Variants in IL5RA observed in about 807,000 individuals in gnomAD.
IL5RA encodes the protein interleukin 5 receptor subunit alpha.
In IL5RA, 49 loss-of-function variants were observed where a neutral mutation model predicts 50.0. The ratio of observed to expected loss-of-function variants is 0.98; its 90% CI spans 0.78 to 1.24. The LOEUF (loss-of-function observed/expected upper bound fraction) is 1.24, where lower values mean the gene tolerates loss of function less well. IL5RA is among the 50% of genes most tolerant of loss of function. IL5RA has a pLI of 0.00. For missense variants in IL5RA, 600 were observed against 500.4 expected (o/e 1.20, Z -1.90); for synonymous variants, 202 against 174.0 (o/e 1.16, Z -1.26).
At position 3,096,195 on chromosome 3, in the gene IL5RA, G is replaced by A. The variant is rs111501182; in HGVS notation, c.710-751C>T. Reference sequence around the variant, plus strand: ...CAGGAGGCTGAGGCAGGAGAATGGCGTGAACCCAGCAGGCGGAGCTTGCAG... The same window carrying A: ...CAGGAGGCTGAGGCAGGAGAATGGCATGAACCCAGCAGGCGGAGCTTGCAG... On this transcript the variant is annotated intron_variant, in intron 7 of 11. Coordinates refer to ENST00000446632, the MANE Select transcript of IL5RA (RefSeq NM_175726.4). 7.4e-5 allele frequency among the ~76,000 whole-genome samples: 11 copies of A among 149,448 alleles called. No homozygotes were observed. The South Asian group carries it at 1.9e-3, about 26-fold the overall frequency.
intron 9 of IL5RA, among the ~76,000 whole-genome samples, chr3:3,084,053 T>TAAAAAA (rs11399967): frequency 1.0e-5 from 1 of 99,458 alleles, no homozygotes; most frequent in Non-Finnish European, 2.0e-5. Flanking sequence ...CTCCATCTCA[T>TAAAAAA]AAAAAAAAAA....
chr3:3,104,783 A>G lies in IL5RA; in HGVS notation c.82+120T>C, dbSNP rs3214013. 790 of 568,190 alleles carry G rather than the reference A, an allele frequency of 1.4e-3. 7 individuals are homozygous for G. In the East Asian group the frequency reaches 0.022, roughly 16 times the overall value. 35.2% of individuals were successfully genotyped at this position (568,190 alleles called of 1,614,324 possible). A position where few individuals can be genotyped will look rare whatever the true frequency, so the allele number is the denominator to read the frequency against. On this transcript the variant is annotated intron_variant, in intron 3 of 11. Transcript: ENST00000446632. Reference sequence around the variant, plus strand: ...CATCTGTCTTCTGATGGGGATAAATATTGTCTCATAAAAATCCATATATAA... The same window carrying G: ...CATCTGTCTTCTGATGGGGATAAATGTTGTCTCATAAAAATCCATATATAA...
intron 9 of IL5RA, among the ~76,000 whole-genome samples, chr3:3,085,557 C>T (rs1424843333): frequency 2.6e-5 from 4 of 152,254 alleles, no homozygotes; most frequent in Non-Finnish European, 4.4e-5. Flanking sequence ...ACAATGCAGG[C>T]AAACTGGAAA....
rs533103918 is a variant in IL5RA at position 3,101,575 on chromosome 3, G to A, written c.367+117C>T. The A allele has an allele frequency of 9.6e-6, 9 of 937,410 alleles. No homozygotes were observed. In the South Asian group the frequency reaches 1.5e-4, roughly 16 times the overall value. The allele number at this position is 937,410 out of a possible 1,614,324, so 58.1% of individuals were successfully genotyped here. A position where few individuals can be genotyped will look rare whatever the true frequency, so the allele number is the denominator to read the frequency against. On this transcript the variant is annotated intron_variant, in intron 5 of 11. Transcript: ENST00000446632. ...GTTAGGATGTTGTTGATATGGGAGA[G>A]TACTTGAGAAGAACGGGTGACTGAC...
chr3:3,102,574 G>A (rs1358784790), intron 4 of IL5RA, 101 bp downstream of exon 4: 4 of 788,114 alleles, frequency 5.1e-6, no homozygotes, highest in Non-Finnish European at 8.0e-6. Context: ...GAGCCTGTCA[G>A]TAATTTTATT....
intron 9 of IL5RA, chr3:3,089,895 G>T: frequency 4.7e-6 from 1 of 214,390 alleles, no homozygotes; most frequent in Non-Finnish European, 9.3e-6. Flanking sequence ...TTACTGGTGT[G>T]AGCCACCGCA....
At chr3:3,101,373 C>G (rs1266460497) in intron 5 of IL5RA, among the ~76,000 whole-genome samples, 1 of 152,156 alleles carries the variant, frequency 6.6e-6, no homozygotes, top group African/African-American at 2.4e-5. Flanking sequence ...GCCTGCTTCT[C>G]CTCTTTTCTC....
intron 9 of IL5RA, among the ~76,000 whole-genome samples, chr3:3,089,159 C>T (rs1702990393): frequency 6.6e-6 from 1 of 152,130 alleles, no homozygotes; most frequent in Admixed American, 6.6e-5. Flanking sequence ...ATTCTCACTT[C>T]CTTTTAGTGT....
intron 2 of IL5RA, among the ~76,000 whole-genome samples, chr3:3,106,431 G>C (rs952205280): frequency 6.6e-6 from 1 of 152,110 alleles, no homozygotes; most frequent in Non-Finnish European, 1.5e-5. Context: ...CAGCAGGAAA[G>C]GATCGGCATA....
At position 3,070,237 on chromosome 3, in the gene IL5RA, A is replaced by G; in HGVS notation, c.1251T>C (p.Asp417=). Residue 417 remains aspartate, a synonymous_variant, in exon 12 of 12, where the codon GAT becomes GAC. Coordinates refer to ENST00000446632, the MANE Select transcript of IL5RA (RefSeq NM_175726.4). Reference sequence around the variant, plus strand: ...GCCAAAGTGACAGTCAAAACACAGAATCCTCCAGGGTCTCAACTCCAGGCT... The same window carrying G: ...GCCAAAGTGACAGTCAAAACACAGAGTCCTCCAGGGTCTCAACTCCAGGCT... ...IEKPGVETLE[D]SVF 6.2e-7 allele frequency: 1 copy of G among 1,611,068 alleles called. No homozygotes were observed. Among genetic ancestry groups the G allele is most frequent in the Middle Eastern group, 1.7e-4 (1 of 6,056 alleles).
In IL5RA at chr3:3,097,972, T is replaced by C. The variant is rs1391364268; in HGVS notation, c.607A>G (p.Ile203Val). 6.2e-7 allele frequency: 1 copy of C among 1,614,190 alleles called. No individual in the cohort carries two copies. The highest frequency in any genetic ancestry group is 1.3e-5 in the African/African-American group (1 of 75,056). ...AGCCAGTCACGCCCTTTGCTGAGGA[T>C]AAAAGTCCTGGGAAACCAGCATGCG... ...NIACWFPRTFILSKGRDWLAV... is the reference protein window; with the variant it reads ...NIACWFPRTFVLSKGRDWLAV... Residue 203 changes from isoleucine (I) to valine (V), a missense_variant, in exon 7 of 12, where the codon ATC (isoleucine) becomes GTC (valine). By Grantham distance (29) the Ile-to-Val change is conservative. Coordinates refer to ENST00000446632, the MANE Select transcript of IL5RA (RefSeq NM_175726.4).
chr3:3,078,790 C>G (rs980623809), intron 9 of IL5RA, among the ~76,000 whole-genome samples: 1 of 151,228 alleles, frequency 6.6e-6, no homozygotes, highest in Non-Finnish European at 1.5e-5. Flanking sequence ...GCTGAGATCC[C>G]GCCACTGCAC....
chr3:3,079,280 C>T lies in IL5RA; in HGVS notation c.995-2653G>A, dbSNP rs183688169. Among the ~76,000 whole-genome samples, 361 of 152,292 alleles carry T rather than the reference C, an allele frequency of 2.4e-3. 1 individual carries two copies. Among genetic ancestry groups the T allele is most frequent in the Non-Finnish European group, 2.5e-3 (172 of 68,024 alleles). On this transcript the variant is annotated intron_variant, in intron 9 of 11. Transcript: ENST00000446632. ...AAACTGTCCGTAGGTAAAACCTGCT[C>T]GGATGTTTCTCAAGGCTGACAACAT...
In IL5RA at chr3:3,074,773, C is replaced by T. The variant is rs768741095; in HGVS notation, c.1176+9G>A. On this transcript the variant is annotated intron_variant, in intron 11 of 11. Coordinates refer to ENST00000446632, the MANE Select transcript of IL5RA (RefSeq NM_175726.4). ...ACATACGGCATATCATAAGAACTTT[C>T]AACATTACCTCATAGTTAGTGGTTA... 1.3e-6 allele frequency: 2 copies of T among 1,552,886 alleles called. No homozygotes were observed. Among genetic ancestry groups the T allele is most frequent in the East Asian group, 2.2e-5 (1 of 44,604 alleles).
rs1189277629 is a variant in IL5RA at position 3,068,603 on chromosome 3, A to AC, written c.*1621_*1622insG. On this transcript the variant is annotated 3_prime_UTR_variant, in exon 12 of 12. Coordinates refer to ENST00000446632, the MANE Select transcript of IL5RA (RefSeq NM_175726.4). Reference sequence around the variant, plus strand: ...CCCACCCCACAAAAAAAAAAAAAAAAAAAAACAAAAACAGGTTTGAGATTA... The same window carrying AC: ...CCCACCCCACAAAAAAAAAAAAAAAACAAAAACAAAAACAGGTTTGAGATTA... 7.0e-5 allele frequency: 4 copies of AC among 57,392 alleles called. No individual in the cohort carries two copies. The highest frequency in any genetic ancestry group is 1.7e-4 in the Admixed American group (1 of 5,772). The allele number at this position is 57,392 out of a possible 1,614,324, so 3.6% of individuals were successfully genotyped here.
rs540919044 is a variant in IL5RA, at chr3:3,100,875, G to A, written c.367+817C>T. Among the ~76,000 whole-genome samples, 6 of 152,078 alleles carry A rather than the reference G, an allele frequency of 3.9e-5. No homozygotes were observed. The East Asian group carries it at 5.8e-4, about 15-fold the overall frequency. ...ATAACAAGTAAATGGGGCCGGACAC[G>A]GTGGCTCATGTCTGTAACCCCAGCA... On this transcript the variant is annotated intron_variant, in intron 5 of 11. Transcript: ENST00000446632.
chr3:3,106,601 C>A (rs960933208), intron 2 of IL5RA, among the ~76,000 whole-genome samples: 1 of 151,924 alleles, frequency 6.6e-6, no homozygotes, highest in Non-Finnish European at 1.5e-5. Flanking sequence ...AGCAGGTACT[C>A]TATAATTTTT....
Position 3,098,028 on chromosome 3 carries a change from T to C in IL5RA, c.551A>G (p.Glu184Gly), listed in dbSNP as rs1160537092. ...RYGSWTEECQ[E>G]YSKDTLGRNI... The stretch of plus-strand genomic sequence containing the variant: ...TCTCCCCAGTGTGTCTTTGCTGTAT[T>C]CTTGGCATTCTTCAGTCCAAGAGCC... Residue 184 changes from glutamate (E) to glycine (G), a missense_variant, in exon 7 of 12, where the codon GAA becomes GGA. Coordinates refer to ENST00000446632, the MANE Select transcript of IL5RA (RefSeq NM_175726.4). 6.2e-7 allele frequency: 1 copy of C among 1,614,190 alleles called. No individual in the cohort carries two copies. The highest frequency in any genetic ancestry group is 1.3e-5 in the African/African-American group (1 of 75,042).
chr3:3,092,044 A>G lies in IL5RA; in HGVS notation c.994+180T>C. 7.3e-7 allele frequency: 1 copy of G among 1,368,374 alleles called. No individual in the cohort carries two copies. Among genetic ancestry groups the G allele is most frequent in the Non-Finnish European group, 9.4e-7 (1 of 1,064,774 alleles). The allele number at this position is 1,368,374 out of a possible 1,614,324, so 84.8% of individuals were successfully genotyped here. A position where few individuals can be genotyped will look rare whatever the true frequency, so the allele number is the denominator to read the frequency against. On this transcript the variant is annotated intron_variant, in intron 9 of 11. Transcript: ENST00000446632. The surrounding 1 kb of genome is among the most constrained non-coding windows in gnomAD (Gnocchi z 4.2). The stretch of plus-strand genomic sequence containing the variant: ...TAATGAGAAGCCTAGACACTTAAAA[A>G]CTTCACTGGCTTCATGGCAAATCTA...
Sources: allele counts gnomAD v4.1 joint callset (sites outside exome capture counted in the v4.1 genomes callset), GRCh38; gene constraint gnomAD v4.1.1; non-coding constraint Gnocchi (gnomAD v3.1); transcripts MANE v1.5; gene names NCBI Gene and HGNC (gene_info 2026-07-23, HGNC 2026-07-21).